The following PREX1 variants were observed in gnomAD, a reference collection of about 807,000 sequenced individuals.
PREX1 encodes phosphatidylinositol-3,4,5-trisphosphate dependent Rac exchange factor 1.
Under a neutral mutation model 198.3 loss-of-function variants are expected in PREX1, and 41 were observed. The ratio of observed to expected loss-of-function variants is 0.21; its 90% confidence interval spans 0.16 to 0.27. PREX1 has a LOEUF of 0.27. Among genes scored for constraint, PREX1 ranks in the 10% least tolerant of loss-of-function variants. The pLI is 1.00. For synonymous variants in PREX1, 843 were observed against 887.2 expected (o/e 0.95, Z 0.89); for missense variants, 1,620 against 2,200.7 (o/e 0.74, Z 5.28).
At position 48,684,255 on chromosome 20, in the gene PREX1, A is replaced by T. The variant is rs1056244815; in HGVS notation, c.1335-2920T>A. 1.1e-4 allele frequency among the ~76,000 whole-genome samples: 17 copies of T among 152,172 alleles called. No homozygotes were observed. The highest frequency in any genetic ancestry group is 4.1e-4 in the African/African-American group (17 of 41,444). The stretch of plus-strand genomic sequence containing the variant: ...AAGAAAGCCGCCTGAGCTCAGGCCC[A>T]AGGTACCACTTATGACCCAACACAA... On this transcript the variant is annotated intron_variant, in intron 10 of 39. Transcript: ENST00000371941. The surrounding 1 kb of genome is among the most constrained non-coding windows in gnomAD (Gnocchi z 4.2).
the PREX1 span, among the ~76,000 whole-genome samples, chr20:48,862,687 AG>A: frequency 1.3e-5 from 2 of 151,312 alleles, no homozygotes; most frequent in Non-Finnish European, 2.9e-5. Flanking sequence ...TTAAAAAAAA[AG>A]AATGAAAAAT....
intron 1 of PREX1, among the ~76,000 whole-genome samples, chr20:48,811,320 A>C (rs1262022295): frequency 1.3e-5 from 2 of 152,116 alleles, no homozygotes; most frequent in African/African-American, 4.8e-5. Context: ...CAGCCTAAAC[A>C]AAAAATTTTA....
At chr20:48,881,613 A>C in the PREX1 span, among the ~76,000 whole-genome samples, 3 of 151,702 alleles carry the variant, frequency 2.0e-5, no homozygotes, top group African/African-American at 7.3e-5. Flanking sequence ...CAGCCTCCTG[A>C]GTAGCTGGGT....
At chr20:48,711,374 C>A (rs1442550284) in intron 5 of PREX1, among the ~76,000 whole-genome samples, 1 of 152,150 alleles carries the variant, frequency 6.6e-6, no homozygotes, top group Non-Finnish European at 1.5e-5. Context: ...CAAAGCTACC[C>A]CAGTCCCAGG....
Position 48,759,945 on chromosome 20 carries a change from TACAAACAA to T in PREX1, c.220-12073_220-12066del, listed in dbSNP as rs898564398. Among the ~76,000 whole-genome samples, 98 of 151,788 alleles carry T rather than the reference TACAAACAA, an allele frequency of 6.5e-4. 2 individuals carry two copies. Among genetic ancestry groups the T allele is most frequent in the Non-Finnish European group, 7.4e-5 (5 of 67,890 alleles). On this transcript the variant is annotated intron_variant, in intron 1 of 39. Coordinates refer to ENST00000371941, the MANE Select transcript of PREX1 (RefSeq NM_020820.4). ...GGCAAAACCTCATCTCTACCAAAAA[TACAAACAA>T]ACAAACAAAATAGCCAGGTGTGGTG...
upstream of PREX1, among the ~76,000 whole-genome samples, chr20:48,832,447 A>G (rs1012375909): frequency 6.6e-6 from 1 of 152,228 alleles, no homozygotes; most frequent in African/African-American, 2.4e-5. Context: ...CCCAAGTTGA[A>G]TGAGCCAATT....
At chr20:48,817,385 C>T (rs184203637) in intron 1 of PREX1, among the ~76,000 whole-genome samples, 263 of 152,308 alleles carry the variant, frequency 1.7e-3, no homozygotes, top group Middle Eastern at 3.4e-3. Flanking sequence ...AGATGATATG[C>T]TGTAACTGTT....
chr20:48,634,836 T>A, intron 32 of PREX1, 61 bp from the exon 33 acceptor site: 1 of 1,469,332 alleles, frequency 6.8e-7, no homozygotes. Context: ...GGGTTTCCTA[T>A]CAAGATGCTG....
chr20:48,713,857 T>TAAAAAAAAAAAAAAAAAA (rs71337452), intron 5 of PREX1, among the ~76,000 whole-genome samples: 1 of 81,736 alleles, frequency 1.2e-5, no homozygotes, highest in Non-Finnish European at 2.5e-5. Context: ...CCCAGAACTA[T>TAAAAAAAAAAAAAAAAAA]AAAAAAAAAA....
intron 1 of PREX1, among the ~76,000 whole-genome samples, chr20:48,760,561 G>T (rs1427440876): frequency 2.6e-5 from 4 of 152,080 alleles, no homozygotes; most frequent in East Asian, 3.9e-4. Flanking sequence ...TAGTTGTTGA[G>T]GTTTAAGTGA....
At chr20:48,743,151 T>C (rs1012593450) in intron 3 of PREX1, among the ~76,000 whole-genome samples, 1 of 151,982 alleles carries the variant, frequency 6.6e-6, no homozygotes, top group African/African-American at 2.4e-5. Flanking sequence ...CTTTACAGAG[T>C]TGGAGACTGA....
chr20:48,807,614 T>C (rs983895726), intron 1 of PREX1, among the ~76,000 whole-genome samples: 2 of 152,178 alleles, frequency 1.3e-5, no homozygotes, highest in South Asian at 2.1e-4. Context: ...CTAAAGGAAC[T>C]GAATCAAAGG....
the PREX1 span, among the ~76,000 whole-genome samples, chr20:48,874,372 CGTGT>C: frequency 0.4 from 50,514 of 127,688 alleles, 9,598 homozygotes; most frequent in Middle Eastern, 0.49. Flanking sequence ...GAGGGGTGTC[CGTGT>C]GTGTGTGTGT....
At chr20:48,648,056 T>C (rs972003008) in intron 25 of PREX1, among the ~76,000 whole-genome samples, 1 of 152,060 alleles carries the variant, frequency 6.6e-6, no homozygotes, top group Non-Finnish European at 1.5e-5. Flanking sequence ...GTGTATGCCA[T>C]CACGCCTGGC....
At chr20:48,843,409 A>G in the PREX1 span, among the ~76,000 whole-genome samples, 2 of 152,204 alleles carry the variant, frequency 1.3e-5, no homozygotes, top group African/African-American at 2.4e-5. Flanking sequence ...GAAGGGAGGA[A>G]TGGTCCCCAC....
the PREX1 span, among the ~76,000 whole-genome samples, chr20:48,862,790 A>AAAAAAAAAATATAT: frequency 9.7e-6 from 1 of 102,568 alleles, no homozygotes; most frequent in African/African-American, 4.4e-5. Flanking sequence ...TAAAAAAAAA[A>AAAAAAAAAATATAT]ATATATATAT....
chr20:48,653,650 G>A (rs1343555881), intron 19 of PREX1, among the ~76,000 whole-genome samples, 153 bp from the exon 20 acceptor site: 1 of 152,146 alleles, frequency 6.6e-6, no homozygotes, highest in Non-Finnish European at 1.5e-5. Flanking sequence ...TGACACTCCA[G>A]TGCAAAGAAT....
chr20:48,751,515 T>A (rs1396658863), intron 1 of PREX1, among the ~76,000 whole-genome samples: 1 of 152,154 alleles, frequency 6.6e-6, no homozygotes, highest in Non-Finnish European at 1.5e-5. Context: ...CCGGAAAGAA[T>A]GGGCAGCAGA....
rs1471558432 is a variant in PREX1, at chr20:48,650,156, G to T, written c.2868C>A (p.Pro956=). 6.2e-7 allele frequency: 1 copy of T among 1,613,962 alleles called. No homozygotes were observed. The highest frequency in any genetic ancestry group is 8.5e-7 in the Non-Finnish European group (1 of 1,179,944). Residue 956 remains proline, a synonymous_variant, in exon 24 of 40, where the codon CCC becomes CCA. Coordinates refer to ENST00000371941, the MANE Select transcript of PREX1 (RefSeq NM_020820.4). ...SRVSPPFKQA[P]LEPHPLCGLD... ...GGCCACACAGCGGGTGGGGCTCCAGGGGGGCTTGTTTGAAGGGTGGGCTGA... is the reference window on the plus strand; with the variant it reads ...GGCCACACAGCGGGTGGGGCTCCAGTGGGGCTTGTTTGAAGGGTGGGCTGA...
Sources: gnomAD v4.1 joint callset for allele counts (sites outside exome capture counted in the v4.1 genomes callset) on GRCh38, gnomAD v4.1.1 for gene constraint, Gnocchi (gnomAD v3.1) non-coding constraint, MANE v1.5 for transcripts, NCBI Gene and HGNC (gene_info 2026-07-23, HGNC 2026-07-21) for gene names.